VWA3B: variants seen among roughly 807,000 people sequenced by gnomAD.
VWA3B encodes the protein von Willebrand factor A domain-containing protein 3B.
Under a neutral mutation model 158.3 loss-of-function variants are expected in VWA3B, and 138 were observed. The observed-to-expected ratio is 0.87, with a 90% confidence interval of 0.76 to 1.00. VWA3B has a LOEUF of 1.00. VWA3B is among the 50% of genes least tolerant of loss of function. VWA3B has a pLI of 0.00. For missense variants in VWA3B, 1,555 were observed against 1,565.1 expected, an observed-to-expected ratio of 0.99 and a Z score of 0.11; for synonymous variants, 596 against 587.3, an observed-to-expected ratio of 1.01 and a Z score of -0.21.
In VWA3B at chr2:98,207,408, G is replaced by T. The variant is rs752180724; in HGVS notation, c.1738-4522G>T. ...ATGAGCATAATGATGTTGCCCGTGG[G>T]GTGCAAAAGATTCTGCATGGCTACA... On this transcript the variant is annotated intron_variant, in intron 12 of 27. Transcript: ENST00000477737. The T allele has an allele frequency of 8.4e-6, 4 of 474,472 alleles. No individual in the cohort carries two copies. In the Admixed American group the frequency reaches 9.1e-5, roughly 11 times the overall value. 29.4% of individuals were successfully genotyped at this position (474,472 alleles called of 1,614,324 possible). A position where few individuals can be genotyped will look rare whatever the true frequency, so the allele number is the denominator to read the frequency against.
intron 8 of VWA3B, among the ~76,000 whole-genome samples, chr2:98,175,153 GA>G (rs1679902889): frequency 6.6e-6 from 1 of 151,968 alleles, no homozygotes; most frequent in Non-Finnish European, 1.5e-5. Context: ...CCATACAAAG[GA>G]AAAAAAGCAA....
intron 19 of VWA3B, among the ~76,000 whole-genome samples, chr2:98,242,096 G>A (rs1421320006): frequency 6.6e-6 from 1 of 152,152 alleles, no homozygotes; most frequent in Non-Finnish European, 1.5e-5. Flanking sequence ...ACTTCACTGA[G>A]AATCTTAATT....
chr2:98,223,708 T>C (rs1239904622), intron 14 of VWA3B, among the ~76,000 whole-genome samples: 1 of 152,120 alleles, frequency 6.6e-6, no homozygotes, highest in African/African-American at 2.4e-5. Flanking sequence ...TAACCATGAA[T>C]TTTATTATTT....
intron 22 of VWA3B, among the ~76,000 whole-genome samples, chr2:98,281,480 A>G (rs1390153907): frequency 1.3e-5 from 2 of 152,234 alleles, no homozygotes; most frequent in South Asian, 2.1e-4. Flanking sequence ...CTGGAGTTCA[A>G]TGATTTAGGG....
At chr2:98,280,463 A>G (rs939027192) in intron 22 of VWA3B, among the ~76,000 whole-genome samples, 1 of 152,068 alleles carries the variant, frequency 6.6e-6, no homozygotes, top group South Asian at 2.1e-4. Context: ...TGTTCTCCAC[A>G]CCCCGGTGCT....
At chr2:98,245,541 C>T in intron 19 of VWA3B, 1 of 457,012 alleles carries the variant, frequency 2.2e-6, no homozygotes, top group East Asian at 6.9e-5. Flanking sequence ...ATCTGAGCTA[C>T]TATCACACTG....
chr2:98,245,066 T>A (rs1686304166), intron 19 of VWA3B, among the ~76,000 whole-genome samples: 1 of 152,174 alleles, frequency 6.6e-6, no homozygotes, highest in African/African-American at 2.4e-5. Flanking sequence ...CATATCAATT[T>A]GATAAGGCTT....
At chr2:98,298,373 GATTCTATTCTATTCT>G (rs61254436) in intron 24 of VWA3B, among the ~76,000 whole-genome samples, 9,445 of 122,204 alleles carry the variant, frequency 0.077, 410 homozygotes, top group Non-Finnish European at 0.097. Flanking sequence ...AACTACAAAA[GATTCTATTCTATTCT>G]ATTCTATTCT....
intron 13 of VWA3B, among the ~76,000 whole-genome samples, chr2:98,214,278 G>GT (rs947062298): frequency 1.1e-4 from 17 of 151,728 alleles, no homozygotes; most frequent in East Asian, 7.7e-4. Context: ...AATTTTGTGG[G>GT]TTTTTTTCCC....
At chr2:98,304,472 A>G (rs1360678683) in intron 26 of VWA3B, among the ~76,000 whole-genome samples, 2 of 152,166 alleles carry the variant, frequency 1.3e-5, no homozygotes, top group Non-Finnish European at 2.9e-5. Flanking sequence ...AACATCTTCC[A>G]GTTTCTGTTA....
chr2:98,186,771 G>T (rs538720721), intron 9 of VWA3B, among the ~76,000 whole-genome samples: 2 of 151,960 alleles, frequency 1.3e-5, no homozygotes, highest in East Asian at 1.9e-4. Context: ...GTCCTCGGCC[G>T]TCCAGTCTGC....
chr2:98,327,050 T>G, the VWA3B span, among the ~76,000 whole-genome samples: 46 of 150,120 alleles, frequency 3.1e-4, no homozygotes, highest in Admixed American at 8.0e-4. Context: ...ATCCCAGCAC[T>G]TTGGGAAGCC....
intron 7 of VWA3B, among the ~76,000 whole-genome samples, chr2:98,138,977 C>T (rs1303697140): frequency 2.0e-5 from 3 of 152,238 alleles, no homozygotes; most frequent in African/African-American, 7.2e-5. Flanking sequence ...GGAGTCGGCT[C>T]CCTCAGCTTG....
chr2:98,257,153 C>T (rs1194359441), intron 21 of VWA3B, among the ~76,000 whole-genome samples: 1 of 151,796 alleles, frequency 6.6e-6, no homozygotes, highest in Non-Finnish European at 1.5e-5. Flanking sequence ...TTTTCTGCCT[C>T]CATAAGATCA....
intron 23 of VWA3B, among the ~76,000 whole-genome samples, chr2:98,293,637 T>C (rs1291302355): frequency 6.6e-6 from 1 of 152,208 alleles, no homozygotes; most frequent in Non-Finnish European, 1.5e-5. Context: ...TTCATACATA[T>C]ATACACACAC....
At chr2:98,314,471 G>A (rs1691045963), downstream of VWA3B, among the ~76,000 whole-genome samples, 1 of 152,196 alleles carries the variant, frequency 6.6e-6, no homozygotes, top group African/African-American at 2.4e-5. Flanking sequence ...AAGTATTCAG[G>A]AGTTTGTCTC....
chr2:98,313,473 G>C (rs746455126), downstream of VWA3B, among the ~76,000 whole-genome samples: 1 of 152,204 alleles, frequency 6.6e-6, no homozygotes, highest in Non-Finnish European at 1.5e-5. Flanking sequence ...CCGCTAATGA[G>C]AGTTGTGTCC....
At chr2:98,281,839 C>T (rs1688896189) in intron 22 of VWA3B, among the ~76,000 whole-genome samples, 1 of 152,164 alleles carries the variant, frequency 6.6e-6, no homozygotes, top group Non-Finnish European at 1.5e-5. Context: ...GGTGTCATTG[C>T]TCGTGGGACT....
At chr2:98,209,111 T>TAACG (rs1683273714) in intron 12 of VWA3B, among the ~76,000 whole-genome samples, 1 of 152,188 alleles carries the variant, frequency 6.6e-6, no homozygotes, top group South Asian at 2.1e-4. Context: ...CTTTTATAGG[T>TAACG]AACGTGTTAT....
Sources: allele counts gnomAD v4.1 joint callset (sites outside exome capture counted in the v4.1 genomes callset), GRCh38; gene constraint gnomAD v4.1.1; transcripts MANE v1.5; gene names NCBI Gene and HGNC (gene_info 2026-07-23, HGNC 2026-07-21).